DAB1: variants seen among roughly 807,000 people sequenced by gnomAD.
The protein encoded by DAB1 is DAB adaptor protein 1.
In DAB1, 15 loss-of-function variants were observed where a neutral mutation model predicts 64.6. The observed-to-expected ratio is 0.23, with a 90% CI of 0.16 to 0.36. The LOEUF is 0.36. Ranked by LOEUF, DAB1 falls within the 10% of genes least tolerant of loss-of-function variation. The pLI is 1.00. For synonymous variants in DAB1, 235 were observed against 251.9 expected, an observed-to-expected ratio of 0.93 and a Z score of 0.64; for missense variants, 596 against 706.7, an observed-to-expected ratio of 0.84 and a Z score of 1.78.
intron 2 of DAB1, among the ~76,000 whole-genome samples, chr1:57,197,309 A>G (rs1664703851): frequency 6.7e-6 from 1 of 149,844 alleles, no homozygotes; most frequent in Non-Finnish European, 1.5e-5. Flanking sequence ...GTGCCACTGC[A>G]CTCCAGTCTA....
At chr1:58,375,112 C>A (rs1444897868) in intron 3 of DAB1, among the ~76,000 whole-genome samples, 2 of 148,192 alleles carry the variant, frequency 1.3e-5, no homozygotes, top group Admixed American at 6.7e-5. Context: ...GATAAACAAT[C>A]ATGTCGTCTG....
intron 2 of DAB1, among the ~76,000 whole-genome samples, chr1:57,250,287 C>T (rs540718271): frequency 7.9e-5 from 12 of 152,256 alleles, no homozygotes; most frequent in East Asian, 1.9e-4. Context: ...GGATGCTGTA[C>T]GCCAATCTGT....
At chr1:58,142,744 G>A (rs995456998) in intron 5 of DAB1, among the ~76,000 whole-genome samples, 1 of 152,172 alleles carries the variant, frequency 6.6e-6, no homozygotes, top group South Asian at 2.1e-4. Context: ...ATGCTTCAAG[G>A]CCTTGCTCAG....
At chr1:57,025,114 G>A (rs775363643) in intron 10 of DAB1, among the ~76,000 whole-genome samples, 1 of 152,270 alleles carries the variant, frequency 6.6e-6, no homozygotes, top group Non-Finnish European at 1.5e-5. Context: ...GTCCCCTCCC[G>A]GCAGCTTCAG....
At chr1:57,813,023 T>C in intron 6 of DAB1, among the ~76,000 whole-genome samples, 1 of 152,312 alleles carries the variant, frequency 6.6e-6, no homozygotes, top group African/African-American at 2.4e-5. Context: ...TTATATGTGT[T>C]TATGTGTGAA....
chr1:57,447,222 G>A (rs1402558563), intron 7 of DAB1, among the ~76,000 whole-genome samples: 4 of 152,206 alleles, frequency 2.6e-5, no homozygotes, highest in African/African-American at 9.6e-5. Context: ...TTTGGGATGG[G>A]AGAGTGATCT....
chr1:58,181,466 T>C (rs2100784413), intron 4 of DAB1, among the ~76,000 whole-genome samples: 1 of 152,254 alleles, frequency 6.6e-6, no homozygotes, highest in South Asian at 2.1e-4. Context: ...GATGGATTTA[T>C]ATCTGCATTT....
At chr1:57,505,976 C>T (rs1008154149) in intron 7 of DAB1, among the ~76,000 whole-genome samples, 5 of 152,198 alleles carry the variant, frequency 3.3e-5, no homozygotes, top group Non-Finnish European at 7.3e-5. Flanking sequence ...TGGCTAACTT[C>T]TTAATTTCTT....
At chr1:57,540,032 T>A (rs1267385521) in intron 7 of DAB1, among the ~76,000 whole-genome samples, 1 of 152,180 alleles carries the variant, frequency 6.6e-6, no homozygotes, top group Admixed American at 6.5e-5. Flanking sequence ...CAAGAATAAG[T>A]GGAATGTACA....
At chr1:58,013,524 G>A (rs192104331) in intron 5 of DAB1, among the ~76,000 whole-genome samples, 1 of 152,284 alleles carries the variant, frequency 6.6e-6, no homozygotes, top group East Asian at 1.9e-4. Flanking sequence ...TTGTACACTT[G>A]TGTCAATTCC....
intron 3 of DAB1, among the ~76,000 whole-genome samples, chr1:58,488,352 TG>T (rs887631179): frequency 2.6e-5 from 4 of 152,234 alleles, no homozygotes; most frequent in Non-Finnish European, 5.9e-5. Context: ...AATAGGTTTT[TG>T]GGGAACAGGC....
At chr1:57,153,841 G>A (rs892009915) in intron 2 of DAB1, among the ~76,000 whole-genome samples, 7 of 151,966 alleles carry the variant, frequency 4.6e-5, no homozygotes, top group African/African-American at 7.2e-5. Flanking sequence ...GGGTTTCACC[G>A]TGTTAGCCAG....
chr1:57,479,476 A>T (rs1643983918), intron 7 of DAB1, among the ~76,000 whole-genome samples: 1 of 150,144 alleles, frequency 6.7e-6, no homozygotes, highest in Non-Finnish European at 1.5e-5. Flanking sequence ...AAAATATATA[A>T]AACTCTGTGT....
intron 6 of DAB1, among the ~76,000 whole-genome samples, chr1:57,700,505 TG>T (rs1372201602): frequency 6.6e-6 from 1 of 152,188 alleles, no homozygotes; most frequent in Admixed American, 6.6e-5. Flanking sequence ...ACTTTCAAAA[TG>T]TCACCCCACT....
chr1:57,877,931 A>G (rs905185090), intron 1 of DAB1, among the ~76,000 whole-genome samples: 22 of 152,234 alleles, frequency 1.4e-4, no homozygotes, highest in Admixed American at 1.2e-3. Flanking sequence ...AGAACAAAAT[A>G]TAAAGAGAAA....
rs142914784 is a variant in DAB1, at chr1:57,744,645, C to T, written n.552-94980G>A. Among the ~76,000 whole-genome samples the T allele has an allele frequency of 1.0e-3, 152 of 152,220 alleles. 1 individual carries two copies. The highest frequency in any genetic ancestry group is 3.6e-3 in the African/African-American group (148 of 41,550). Reference sequence around the variant, plus strand: ...CTGGATTCCGATGTCTTTTGTTCCTCGGCATCTTGCTCCTTGGGCTGTCCA... The same window carrying T: ...CTGGATTCCGATGTCTTTTGTTCCTTGGCATCTTGCTCCTTGGGCTGTCCA... On this transcript the variant is annotated intron_variant and non_coding_transcript_variant, in intron 6 of 20. Coordinates refer to the DAB1 transcript ENST00000485760.
chr1:57,132,232 T>A (rs1657705695), intron 4 of DAB1, among the ~76,000 whole-genome samples: 1 of 152,118 alleles, frequency 6.6e-6, no homozygotes, highest in Admixed American at 6.5e-5. Flanking sequence ...TAATACTTAC[T>A]ACATAAAAAA....
chr1:58,277,037 C>CTTTTTTTTTTT (rs869207396), intron 4 of DAB1, among the ~76,000 whole-genome samples: 2 of 79,646 alleles, frequency 2.5e-5, no homozygotes, highest in Non-Finnish European at 4.7e-5. Flanking sequence ...CTTTTTTTTT[C>CTTTTTTTTTTT]TTTTTTTTTT....
At chr1:58,318,349 G>A (rs972114239) in intron 4 of DAB1, among the ~76,000 whole-genome samples, 4 of 152,166 alleles carry the variant, frequency 2.6e-5, no homozygotes, top group African/African-American at 9.7e-5. Context: ...CAGATGTTTA[G>A]TGTCCAATGA....
Sources: gnomAD v4.1 joint callset for allele counts (sites outside exome capture counted in the v4.1 genomes callset) on GRCh38, gnomAD v4.1.1 for gene constraint, MANE v1.5 for transcripts, NCBI Gene and HGNC (gene_info 2026-07-23, HGNC 2026-07-21) for gene names.